Variants in NRCAM observed in about 807,000 individuals in gnomAD.
The protein encoded by NRCAM is neuronal cell adhesion molecule.
NRCAM carries 83 observed loss-of-function variants against 156.5 expected under a neutral mutation model. The observed-to-expected ratio is 0.53, with a 90% confidence interval of 0.44 to 0.64. NRCAM has a LOEUF of 0.64. Ranked by LOEUF, NRCAM falls within the 30% of genes least tolerant of loss-of-function variation. NRCAM has a pLI of 0.00. For missense variants in NRCAM, 1,417 were observed against 1,597.3 expected, an observed-to-expected ratio of 0.89 and a Z score of 1.92; for synonymous variants, 538 against 563.9, an observed-to-expected ratio of 0.95 and a Z score of 0.65.
chr7:108,218,179 G>A (rs568521504), intron 11 of NRCAM, among the ~76,000 whole-genome samples: 8 of 151,906 alleles, frequency 5.3e-5, no homozygotes, highest in East Asian at 3.9e-4. Flanking sequence ...TGGCTGGGGG[G>A]GGGGGGGAGT....
At chr7:108,452,538 T>G (rs1364343854) in intron 1 of NRCAM, among the ~76,000 whole-genome samples, 1 of 152,134 alleles carries the variant, frequency 6.6e-6, no homozygotes, top group Non-Finnish European at 1.5e-5. Context: ...TAGCATCCAG[T>G]TCTCTCCTCT....
intron 2 of NRCAM, among the ~76,000 whole-genome samples, chr7:108,370,369 T>C (rs947120460): frequency 6.6e-6 from 1 of 152,078 alleles, no homozygotes; most frequent in Non-Finnish European, 1.5e-5. Flanking sequence ...CCCTCGGAAA[T>C]AGAATCAGAG....
At chr7:108,353,837 T>C (rs2099452878) in intron 2 of NRCAM, among the ~76,000 whole-genome samples, 1 of 152,258 alleles carries the variant, frequency 6.6e-6, no homozygotes, top group African/African-American at 2.4e-5. Flanking sequence ...ATGTTGCTTT[T>C]GATCTCTAGC....
rs1406304867 is a variant in NRCAM, at chr7:108,182,893, G to A, written c.2332C>T (p.Pro778Ser). 5.0e-6 allele frequency: 8 copies of A among 1,614,062 alleles called. No homozygotes were observed. The highest frequency in any genetic ancestry group is 6.8e-6 in the Non-Finnish European group (8 of 1,180,034). The change falls in exon 23 of 33, where the codon CCA (proline) becomes TCA (serine). Residue 778 changes from proline to serine, a missense_variant. Transcript: ENST00000379028. ...KPLNGFESNG[P>S]GLQYKVSWRQ... ...CAGCTAACTTTGTACTGAAGGCCTG[G>A]CCCATTAGATTCGAAACCATTCAAG...
chr7:108,452,308 TGTG>T (rs1851313842), intron 1 of NRCAM, among the ~76,000 whole-genome samples: 1 of 152,204 alleles, frequency 6.6e-6, no homozygotes, highest in Non-Finnish European at 1.5e-5. Flanking sequence ...TTAGTTTGAT[TGTG>T]GTAATCATTT....
rs145589322 is a variant in NRCAM at position 108,207,031 on chromosome 7, C to T, written c.1207+497G>A. On this transcript the variant is annotated intron_variant, in intron 13 of 32. Transcript: ENST00000379028. ...GTTCTTCTTTGGGTATCAAATGGGACGGTGACCTTGGAAGACAGTGAGAAC... is the reference window on the plus strand; with the variant it reads ...GTTCTTCTTTGGGTATCAAATGGGATGGTGACCTTGGAAGACAGTGAGAAC... 2.2e-3 allele frequency among the ~76,000 whole-genome samples: 337 copies of T among 152,262 alleles called. 4 individuals are homozygous for T. The highest frequency in any genetic ancestry group is 7.7e-3 in the African/African-American group (320 of 41,548).
At chr7:108,417,384 G>C (rs778430183) in intron 1 of NRCAM, among the ~76,000 whole-genome samples, 1 of 152,156 alleles carries the variant, frequency 6.6e-6, no homozygotes, top group Non-Finnish European at 1.5e-5. Flanking sequence ...AAGGACAAGA[G>C]AGAGCAAGAG....
intron 2 of NRCAM, among the ~76,000 whole-genome samples, chr7:108,350,204 C>G (rs982942704): frequency 6.6e-6 from 1 of 152,200 alleles, no homozygotes; most frequent in Non-Finnish European, 1.5e-5. Context: ...GCTTTCACCT[C>G]CATAACCTTA....
chr7:108,297,142 G>A (rs994155911), intron 3 of NRCAM, among the ~76,000 whole-genome samples: 3 of 152,146 alleles, frequency 2.0e-5, no homozygotes, highest in African/African-American at 4.8e-5. Context: ...TTTGTCAGTA[G>A]GATACTTGCT....
chr7:108,340,317 C>G (rs896646473), intron 2 of NRCAM, among the ~76,000 whole-genome samples: 1 of 152,220 alleles, frequency 6.6e-6, no homozygotes, highest in African/African-American at 2.4e-5. Flanking sequence ...GTACCTTTTT[C>G]TCTCTCAGAC....
chr7:108,387,628 A>G (rs1015184966), intron 2 of NRCAM, among the ~76,000 whole-genome samples: 11 of 152,106 alleles, frequency 7.2e-5, no homozygotes, highest in Admixed American at 2.0e-4. Context: ...GGTTTGTTAC[A>G]TATGTATACA....
intron 32 of NRCAM, among the ~76,000 whole-genome samples, chr7:108,155,044 C>A (rs928525371): frequency 2.7e-5 from 4 of 148,242 alleles, no homozygotes; most frequent in Non-Finnish European, 5.9e-5. Flanking sequence ...GAGAGTTTCC[C>A]AAATGATATG....
At chr7:108,256,526 C>G (rs1427218833) in intron 3 of NRCAM, among the ~76,000 whole-genome samples, 1 of 151,066 alleles carries the variant, frequency 6.6e-6, no homozygotes, top group African/African-American at 2.4e-5. Flanking sequence ...AACCAGAGAC[C>G]CTTGTTCACA....
At position 108,194,188 on chromosome 7, in the gene NRCAM, T is replaced by G; in HGVS notation, c.1631-17A>C. 3 of 1,613,118 alleles carry G rather than the reference T, an allele frequency of 1.9e-6. No individual in the cohort carries two copies. Among genetic ancestry groups the G allele is most frequent in the Non-Finnish European group, 2.5e-6 (3 of 1,179,112 alleles). ...ATGTAGGATCTGAAATGTAGAGTCA[T>G]CGTTATCCATTTGGCAAAGCTGGAG... is the stretch of plus-strand genomic sequence containing the variant. On this transcript the variant is annotated splice_polypyrimidine_tract_variant and intron_variant, in intron 16 of 32. Transcript: ENST00000379028.
chr7:108,283,606 G>T (rs2097945180), intron 3 of NRCAM, among the ~76,000 whole-genome samples: 1 of 152,128 alleles, frequency 6.6e-6, no homozygotes, highest in South Asian at 2.1e-4. Context: ...TTCCAGGAGG[G>T]TCCTGAATGT....
rs2060547206 is a variant in NRCAM, at chr7:108,176,476, T to A, written c.3105A>T (p.Gly1035=). 1 of 1,613,562 alleles carries A rather than the reference T, an allele frequency of 6.2e-7. No individual in the cohort carries two copies. Among genetic ancestry groups the A allele is most frequent in the African/African-American group, 1.3e-5 (1 of 74,932 alleles). ...CTTCCTCTGTAATTTGACTTCCTGA[T>A]CCTGCTGATGTTTGTGCATAGAAAT... ...KFYFYAQTSA[G]SGSQITEEAV... is the part of the protein sequence containing the mutation. Residue 1035 remains glycine, a synonymous_variant, in exon 27 of 33, where the codon GGA becomes GGT. Coordinates refer to ENST00000379028, the MANE Select transcript of NRCAM (RefSeq NM_001037132.4).
chr7:108,333,787 C>T (rs1471942645), intron 2 of NRCAM, among the ~76,000 whole-genome samples: 1 of 152,192 alleles, frequency 6.6e-6, no homozygotes, highest in Admixed American at 6.5e-5. Context: ...ATCAATGCAA[C>T]TCTTTTAACT....
chr7:108,175,401 G>A (rs1193197765), intron 27 of NRCAM, 44 bp from the exon 28 acceptor site: 2 of 1,494,144 alleles, frequency 1.3e-6, no homozygotes, highest in Non-Finnish European at 1.8e-6. Context: ...ATAGTTAGAT[G>A]TAACACACCC....
chr7:108,407,603 A>G (rs2099810714), intron 1 of NRCAM, among the ~76,000 whole-genome samples: 1 of 152,202 alleles, frequency 6.6e-6, no homozygotes, highest in South Asian at 2.1e-4. Context: ...CATTTGCTGT[A>G]GATCTGTAGT....
Sources: allele counts gnomAD v4.1 joint callset (sites outside exome capture counted in the v4.1 genomes callset), GRCh38; gene constraint gnomAD v4.1.1; transcripts MANE v1.5; gene names NCBI Gene and HGNC (gene_info 2026-07-23, HGNC 2026-07-21).